Variants in PPP1R12B observed in about 807,000 individuals in gnomAD.
The protein encoded by PPP1R12B is myosin phosphatase target subunit 2.
PPP1R12B carries 76 observed loss-of-function variants against 126.1 expected under a neutral mutation model. The ratio of observed to expected loss-of-function variants is 0.60; its 90% CI spans 0.50 to 0.73. The LOEUF is 0.73. Ranked by LOEUF, PPP1R12B falls within the 30% of genes least tolerant of loss-of-function variation. The pLI, the probability that PPP1R12B is intolerant of heterozygous loss-of-function variation, is 0.00. For missense variants in PPP1R12B, 1,052 were observed against 1,205.1 expected, an observed-to-expected ratio of 0.87 and a Z score of 1.88; for synonymous variants, 356 against 434.7, an observed-to-expected ratio of 0.82 and a Z score of 2.25.
chr1:202,499,065 G>C (rs981604359), intron 18 of PPP1R12B, among the ~76,000 whole-genome samples: 1 of 151,836 alleles, frequency 6.6e-6, no homozygotes, highest in Non-Finnish European at 1.5e-5. Flanking sequence ...TGTTTGCTGG[G>C]TTTTGACACT....
At chr1:202,369,886 C>T (rs1659915424) in intron 1 of PPP1R12B, 1 of 156,318 alleles carries the variant, frequency 6.4e-6, no homozygotes. Flanking sequence ...ACCTCTGCCT[C>T]CTGGGCTCAA....
intron 15 of PPP1R12B, 89 bp downstream of exon 15, chr1:202,493,406 G>A: frequency 1.5e-6 from 2 of 1,366,626 alleles, no homozygotes; most frequent in South Asian, 1.4e-5. Flanking sequence ...CAAAGGCTGT[G>A]TTCTACCTTG....
intron 10 of PPP1R12B, chr1:202,439,213 C>T (rs1035274049): frequency 8.3e-6 from 12 of 1,452,234 alleles, no homozygotes. Flanking sequence ...CCCTGTGCTC[C>T]TGCAGCCTCG....
At chr1:202,368,595 T>TC in intron 1 of PPP1R12B, among the ~76,000 whole-genome samples, 1 of 151,508 alleles carries the variant, frequency 6.6e-6, no homozygotes, top group Admixed American at 6.6e-5. Flanking sequence ...CCCTTCATCC[T>TC]CCCCCAGGCT....
At chr1:202,446,398 C>T (rs1572064221) in intron 12 of PPP1R12B, among the ~76,000 whole-genome samples, 1 of 147,616 alleles carries the variant, frequency 6.8e-6, no homozygotes, top group South Asian at 2.1e-4. Context: ...GGACTACAGG[C>T]GCATGCCACC....
rs375571342 is a variant in PPP1R12B, at chr1:202,479,587, TTTGA to T, written c.1851-8943_1851-8940del. On this transcript the variant is annotated intron_variant, in intron 13 of 23. Coordinates refer to ENST00000608999, the MANE Select transcript of PPP1R12B (RefSeq NM_002481.4). ...AGAGAGCCTAGCGGATACCCCAGAC[TTTGA>T]TTTAGAACCACTGAAGGGCTACATT... Among the ~76,000 whole-genome samples, 759 of 152,288 alleles carry T rather than the reference TTTGA, an allele frequency of 5.0e-3. 1 individual carries two copies. The highest frequency in any genetic ancestry group is 9.1e-3 in the South Asian group (44 of 4,828).
At chr1:202,404,303 C>G (rs1666272503) in intron 1 of PPP1R12B, among the ~76,000 whole-genome samples, 1 of 152,022 alleles carries the variant, frequency 6.6e-6, no homozygotes, top group African/African-American at 2.4e-5. Flanking sequence ...ACTTAAATTT[C>G]TATGCATGCC....
intron 12 of PPP1R12B, among the ~76,000 whole-genome samples, chr1:202,446,596 TATA>T (rs1163111519): frequency 1.3e-5 from 2 of 148,578 alleles, no homozygotes; most frequent in Non-Finnish European, 3.0e-5. Flanking sequence ...TTATATATTA[TATA>T]ATAATACTAT....
intron 13 of PPP1R12B, among the ~76,000 whole-genome samples, chr1:202,451,358 G>A (rs1459467836): frequency 6.8e-6 from 1 of 147,896 alleles, no homozygotes; most frequent in East Asian, 2.0e-4. Flanking sequence ...TGAGATTAGG[G>A]AGTGGTGATG....
intron 13 of PPP1R12B, among the ~76,000 whole-genome samples, chr1:202,473,223 A>G (rs1317055882): frequency 6.6e-6 from 1 of 152,240 alleles, no homozygotes; most frequent in East Asian, 1.9e-4. Flanking sequence ...GTCCTAAACT[A>G]TGAAATCAGA....
chr1:202,400,757 A>C lies in PPP1R12B; in HGVS notation c.292-16030A>C, dbSNP rs192351152. Among the ~76,000 whole-genome samples, 489 of 152,360 alleles carry C rather than the reference A, an allele frequency of 3.2e-3. 5 individuals carry two copies. Among genetic ancestry groups the C allele is most frequent in the Admixed American group, 0.015 (228 of 15,300 alleles). ...TCTTCATAATAATACTAAGAAAGAA[A>C]TAGTACTGTTATTCCCATTTTATAG... is the stretch of plus-strand genomic sequence containing the variant. On this transcript the variant is annotated intron_variant, in intron 1 of 23. Transcript: ENST00000608999.
rs771009440 is a variant in PPP1R12B, at chr1:202,564,437, C to G, written c.2653-6C>G. 3 of 1,599,316 alleles carry G rather than the reference C, an allele frequency of 1.9e-6. No individual in the cohort carries two copies. The highest frequency in any genetic ancestry group is 2.2e-5 in the South Asian group (2 of 90,702). On this transcript the variant is annotated splice_polypyrimidine_tract_variant and splice_region_variant and intron_variant, in intron 20 of 23. Coordinates refer to ENST00000608999, the MANE Select transcript of PPP1R12B (RefSeq NM_002481.4). ...ACGCTGATCCTCTTTTTTCCCTCTC[C>G]TCTAGCTCTATGAGAGTGCTCTGAC...
At chr1:202,392,513 A>G (rs1310751732) in intron 1 of PPP1R12B, among the ~76,000 whole-genome samples, 4 of 149,312 alleles carry the variant, frequency 2.7e-5, no homozygotes, top group African/African-American at 9.8e-5. Context: ...AGGATACAGG[A>G]CTTCTTTTTT....
At chr1:202,364,128 C>CT (rs1658717091) in intron 1 of PPP1R12B, among the ~76,000 whole-genome samples, 3 of 152,024 alleles carry the variant, frequency 2.0e-5, no homozygotes, top group African/African-American at 7.2e-5. Context: ...AAGCATGGTA[C>CT]AGAAATAAGA....
At chr1:202,519,727 TA>T (rs1430957392) in intron 18 of PPP1R12B, among the ~76,000 whole-genome samples, 3 of 152,244 alleles carry the variant, frequency 2.0e-5, no homozygotes, top group Non-Finnish European at 4.4e-5. Flanking sequence ...TCATATCCTG[TA>T]ACTTTGCTGC....
chr1:202,505,186 C>A (rs568361619), intron 18 of PPP1R12B, among the ~76,000 whole-genome samples: 1 of 152,272 alleles, frequency 6.6e-6, no homozygotes, highest in South Asian at 2.1e-4. Context: ...AGGAAAGGAA[C>A]AAGAACTAAA....
chr1:202,564,611 T>G, intron 21 of PPP1R12B, 64 bp downstream of exon 21: 1 of 1,337,764 alleles, frequency 7.5e-7, no homozygotes. Context: ...CAAACTAGAC[T>G]AGGGATCTAA....
At chr1:202,491,156 C>T (rs1370723060) in intron 14 of PPP1R12B, among the ~76,000 whole-genome samples, 1 of 152,104 alleles carries the variant, frequency 6.6e-6, no homozygotes, top group South Asian at 2.1e-4. Flanking sequence ...TGGAGTTTTG[C>T]TCTTGTCACG....
At position 202,416,789 on chromosome 1, in the gene PPP1R12B, A is replaced by G. The variant is rs541146383; in HGVS notation, c.294A>G (p.Ala98=). ...AATGAATGGACTTTTCTTTTCAGGC[A>G]TGTATTGATGAAAATTTGGACATGG... The part of the protein sequence containing the change: ...NVDGLTALHQ[A]CIDENLDMVK... Residue 98 remains alanine (A), a splice_region_variant and synonymous_variant, in exon 2 of 24, where the codon GCA becomes GCG. Coordinates refer to ENST00000608999, the MANE Select transcript of PPP1R12B (RefSeq NM_002481.4). 7 of 1,613,646 alleles carry G rather than the reference A, an allele frequency of 4.3e-6. No individual in the cohort carries two copies. The South Asian group carries it at 5.5e-5, about 13-fold the overall frequency.
Sources: allele counts gnomAD v4.1 joint callset (sites outside exome capture counted in the v4.1 genomes callset), GRCh38; gene constraint gnomAD v4.1.1; transcripts MANE v1.5; gene names NCBI Gene and HGNC (gene_info 2026-07-23, HGNC 2026-07-21).